The following USP6NL variants were observed in gnomAD, a reference collection of about 807,000 sequenced individuals.
USP6NL encodes the protein USP6 N-terminal like.
In USP6NL, 26 loss-of-function variants were observed where a neutral mutation model predicts 61.9. That is an observed-to-expected ratio of 0.42 (90% CI 0.31 to 0.58). The LOEUF is 0.58. Among genes scored for constraint, USP6NL ranks in the 20% least tolerant of loss-of-function variants. The pLI is 0.16. For missense variants in USP6NL, 1,114 were observed against 1,034.3 expected, an observed-to-expected ratio of 1.08 and a Z score of -1.06; for synonymous variants, 432 against 390.1, an observed-to-expected ratio of 1.11 and a Z score of -1.27.
rs1838417629 is a variant in USP6NL, at chr10:11,598,897, A to C, written c.-83-1180T>G. On this transcript the variant is annotated intron_variant, in intron 1 of 14. Coordinates refer to ENST00000609104, the MANE Select transcript of USP6NL (RefSeq NM_014688.5). The surrounding 1 kb of genome is among the most constrained non-coding windows in gnomAD (Gnocchi z 4.7). ...GTGCCCAGCATGGCCCGCACACTGT[A>C]ATTAGCATGGCATAGAATCACAGTG... Among the ~76,000 whole-genome samples the C allele has an allele frequency of 6.6e-6, 1 of 152,254 alleles. No individual in the cohort carries two copies. Among genetic ancestry groups the C allele is most frequent in the Non-Finnish European group, 1.5e-5 (1 of 68,048 alleles).
chr10:11,460,932 CATT>C lies in USP6NL; in HGVS notation c.*1506_*1508del, dbSNP rs1276931586. On this transcript the variant is annotated 3_prime_UTR_variant, in exon 15 of 15. Transcript: ENST00000609104. ...CACTTGTTTTGCTATTTAATAACAT[CATT>C]ACCAAGTTGATCAAAATTACATTAG... 1.3e-5 allele frequency: 2 copies of C among 152,122 alleles called. No individual in the cohort carries two copies. Among genetic ancestry groups the C allele is most frequent in the African/African-American group, 4.8e-5 (2 of 41,420 alleles). 9.4% of individuals were successfully genotyped at this position (152,122 alleles called of 1,614,324 possible).
intron 2 of USP6NL, among the ~76,000 whole-genome samples, chr10:11,550,534 TC>T (rs889308774): frequency 1.3e-5 from 2 of 152,108 alleles, no homozygotes; most frequent in African/African-American, 4.8e-5. Context: ...GGTGGGCAGA[TC>T]ACCTGAGGTC....
Position 11,525,225 on chromosome 10 carries a change from CAG to C in USP6NL, c.155+159_155+160del, listed in dbSNP as rs1350099269. Among the ~76,000 whole-genome samples the C allele has an allele frequency of 1.7e-4, 26 of 152,064 alleles. No individual in the cohort carries two copies. The highest frequency in any genetic ancestry group is 6.0e-4 in the African/African-American group (25 of 41,402). On this transcript the variant is annotated intron_variant, in intron 4 of 14. Coordinates refer to ENST00000609104, the MANE Select transcript of USP6NL (RefSeq NM_014688.5). This position sits in a 1 kb window ranked among gnomAD's most constrained non-coding sequence, Gnocchi z 5.0. ...ATCTTAAACAGTTAAATTTTAATCA[CAG>C]AGTTGTTAAAAGAAACCTAGGAATT...
chr10:11,466,740 G>A (rs1832471560), intron 14 of USP6NL, among the ~76,000 whole-genome samples: 1 of 152,152 alleles, frequency 6.6e-6, no homozygotes, highest in Non-Finnish European at 1.5e-5. Context: ...AGATGGCACA[G>A]CCTACTGCAC....
At chr10:11,605,298 C>A (rs1838668730) in intron 1 of USP6NL, among the ~76,000 whole-genome samples, 1 of 152,080 alleles carries the variant, frequency 6.6e-6, no homozygotes, top group Non-Finnish European at 1.5e-5. Context: ...ATCTCTGCTT[C>A]AGAATAAGCA....
rs764342021 is a variant in USP6NL, at chr10:11,554,966, A to ATTTTTTTTTT, written c.5-27409_5-27400dup. On this transcript the variant is annotated intron_variant, in intron 2 of 14. Coordinates refer to ENST00000609104, the MANE Select transcript of USP6NL (RefSeq NM_014688.5). ...AGGTGCCTGCCACCATGCCCGGCTAATTTTTTTTTTTTTTTTTTTACTAGA... is the reference window on the plus strand; with the variant it reads ...AGGTGCCTGCCACCATGCCCGGCTAATTTTTTTTTTTTTTTTTTTTTTTTTTTTTACTAGA... Among the ~76,000 whole-genome samples the ATTTTTTTTTT allele has an allele frequency of 1.0e-3, 116 of 111,846 alleles. 3 individuals carry two copies. The highest frequency in any genetic ancestry group is 2.5e-3 in the African/African-American group (76 of 30,378). The allele number at this position is 111,846 out of a possible 152,430, so 73.4% of individuals were successfully genotyped here. A position where few individuals can be genotyped will look rare whatever the true frequency, so the allele number is the denominator to read the frequency against.
chr10:11,485,848 T>G lies in USP6NL; in HGVS notation c.728A>C (p.Asn243Thr). The change falls in exon 11 of 15, where the codon AAC (asparagine) becomes ACC (threonine). Residue 243 changes from asparagine (N) to threonine (T), a missense_variant. By Grantham distance (65) the Asn-to-Thr change is moderately conservative (BLOSUM62 0). Transcript: ENST00000609104. The surrounding 1 kb of genome is among the most constrained non-coding windows in gnomAD (Gnocchi z 4.8). Reference sequence around the variant, plus strand: ...TTGCTTAAGCTTGGACAGAAATTTGTTCAGTATTTTTTCATGATGTTCTTG... The same window carrying G: ...TTGCTTAAGCTTGGACAGAAATTTGGTCAGTATTTTTTCATGATGTTCTTG... ...RFQEHHEKIL[N>T]KFLSKLKQHL... 4 of 1,556,642 alleles carry G rather than the reference T, an allele frequency of 2.6e-6. No homozygotes were observed. Among genetic ancestry groups the G allele is most frequent in the Non-Finnish European group, 3.5e-6 (4 of 1,149,882 alleles).
At chr10:11,603,213 C>T (rs1350954923) in intron 1 of USP6NL, among the ~76,000 whole-genome samples, 1 of 152,112 alleles carries the variant, frequency 6.6e-6, no homozygotes, top group Admixed American at 6.5e-5. Context: ...TCAAATTTCC[C>T]CTTCCACAGG....
Position 11,463,681 on chromosome 10 carries a change from G to C in USP6NL, c.1247C>G (p.Pro416Arg). The C allele has an allele frequency of 6.2e-7, 1 of 1,613,730 alleles. No individual in the cohort carries two copies. The highest frequency in any genetic ancestry group is 2.2e-5 in the East Asian group (1 of 44,856). Residue 416 changes from proline (P) to arginine (R), a missense_variant, in exon 15 of 15, where the codon CCG becomes CGG. Transcript: ENST00000609104. The surrounding 1 kb of genome is among the most constrained non-coding windows in gnomAD (Gnocchi z 6.3). ...CGTCCCGGTCCTGCTCTGGGGGTGC[G>C]GGGAGTGCTCGTGCCTCCTGTGGGG... ...GAPHRRHEHS[P>R]HPQSRTGTPE...
chr10:11,560,984 C>T (rs949245881), intron 2 of USP6NL, among the ~76,000 whole-genome samples: 8 of 151,770 alleles, frequency 5.3e-5, no homozygotes, highest in African/African-American at 1.7e-4. Flanking sequence ...AGTCAGAAAG[C>T]TTAAAAAAAT....
At position 11,532,146 on chromosome 10, in the gene USP6NL, T is replaced by C; in HGVS notation, c.5-4579A>G. 1 of 1,471,388 alleles carries C rather than the reference T, an allele frequency of 6.8e-7. No individual in the cohort carries two copies. 91.1% of individuals were successfully genotyped at this position (1,471,388 alleles called of 1,614,324 possible). On this transcript the variant is annotated intron_variant, in intron 2 of 14. Coordinates refer to ENST00000609104, the MANE Select transcript of USP6NL (RefSeq NM_014688.5). This position sits in a 1 kb window ranked among gnomAD's most constrained non-coding sequence, Gnocchi z 4.1. Reference sequence around the variant, plus strand: ...CATTTTGACAGATGAACGTTAAAAATATAAACAACATCAATTTTAAAAGTA... The same window carrying C: ...CATTTTGACAGATGAACGTTAAAAACATAAACAACATCAATTTTAAAAGTA...
At chr10:11,503,694 C>T (rs1566141527) in intron 6 of USP6NL, among the ~76,000 whole-genome samples, 1 of 152,126 alleles carries the variant, frequency 6.6e-6, no homozygotes, top group Non-Finnish European at 1.5e-5. Flanking sequence ...AAATAAGAAA[C>T]TATTTAGTTA....
chr10:11,529,994 C>T (rs1289274572), intron 2 of USP6NL, among the ~76,000 whole-genome samples: 1 of 148,098 alleles, frequency 6.8e-6, no homozygotes, highest in African/African-American at 2.5e-5. Flanking sequence ...CCAGCTTAGT[C>T]GGGAGGCTGA....
intron 2 of USP6NL, among the ~76,000 whole-genome samples, chr10:11,588,035 G>C (rs764986543): frequency 6.6e-6 from 1 of 152,222 alleles, no homozygotes; most frequent in Non-Finnish European, 1.5e-5. Context: ...CTTCCTGACA[G>C]AATGTCCCCT....
intron 2 of USP6NL, among the ~76,000 whole-genome samples, chr10:11,543,157 C>T (rs1010944365): frequency 9.2e-5 from 14 of 152,104 alleles, no homozygotes. Flanking sequence ...TAACTGTAAG[C>T]CTTTTTAACT....
intron 1 of USP6NL, among the ~76,000 whole-genome samples, chr10:11,603,971 A>C (rs1261549023): frequency 1.3e-5 from 2 of 152,214 alleles, no homozygotes; most frequent in African/African-American, 2.4e-5. Flanking sequence ...GAAATCACTC[A>C]ACATATAGGA....
rs1047667040 is a variant in USP6NL at position 11,492,342 on chromosome 10, TG to T, written c.494+776del. ...TACAAAACACTGATCTAGGTGTCAC[TG>T]GGAACGTATTTTGTAGACTGATAAA... On this transcript the variant is annotated intron_variant, in intron 8 of 14. Transcript: ENST00000609104. Among the ~76,000 whole-genome samples, 20 of 152,348 alleles carry T rather than the reference TG, an allele frequency of 1.3e-4. 1 individual carries two copies. The highest frequency in any genetic ancestry group is 4.3e-4 in the African/African-American group (18 of 41,580).
intron 10 of USP6NL, among the ~76,000 whole-genome samples, chr10:11,486,660 C>T (rs193114254): frequency 2.1e-4 from 32 of 152,334 alleles, no homozygotes; most frequent in Admixed American, 3.9e-4. Flanking sequence ...GGGTTCCATG[C>T]AACTCTGAAA....
intron 2 of USP6NL, among the ~76,000 whole-genome samples, chr10:11,581,950 C>T (rs924004917): frequency 1.3e-5 from 2 of 151,164 alleles, no homozygotes; most frequent in Non-Finnish European, 3.0e-5. Context: ...TTTTTGGTGG[C>T]GGTGGTGGTG....
Sources: gnomAD v4.1 joint callset for allele counts (sites outside exome capture counted in the v4.1 genomes callset) on GRCh38, gnomAD v4.1.1 for gene constraint, Gnocchi (gnomAD v3.1) non-coding constraint, MANE v1.5 for transcripts, NCBI Gene and HGNC (gene_info 2026-07-23, HGNC 2026-07-21) for gene names.